NUP62CL: variants seen among roughly 807,000 people sequenced by gnomAD.
NUP62CL encodes the protein nucleoporin-62 C-terminal-like protein.
In NUP62CL, 13 loss-of-function variants were observed where a neutral mutation model predicts 15.3. The observed-to-expected ratio is 0.85, with a 90% CI of 0.55 to 1.35. The LOEUF (loss-of-function observed/expected upper bound fraction) is 1.35. Ranked by LOEUF, NUP62CL falls within the 40% of genes most tolerant of loss-of-function variation. The probability of loss-of-function intolerance (pLI) is 0.00; values close to 1 mark genes in which losing one functional copy is unlikely to be tolerated. For missense variants in NUP62CL, 123 were observed against 130.6 expected, an observed-to-expected ratio of 0.94 and a Z score of 0.28; for synonymous variants, 54 against 49.2, an observed-to-expected ratio of 1.10 and a Z score of -0.41.
rs894372150 is a variant in NUP62CL, at chrX:107,123,446, T to C, written c.*929A>G. The C allele has an allele frequency of 8.9e-6, 1 of 111,836 alleles. No individual in the cohort carries two copies. The highest frequency in any genetic ancestry group is 3.2e-5 in the African/African-American group (1 of 30,777). 9.2% of individuals were successfully genotyped at this position (111,836 alleles called of 1,213,427 possible). A position where few individuals can be genotyped will look rare whatever the true frequency, so the allele number is the denominator to read the frequency against. On this transcript the variant is annotated 3_prime_UTR_variant, in exon 9 of 9. Transcript: ENST00000372466. Reference sequence around the variant, plus strand: ...CTGAGCTCTAGTCACTTAAAAACTTTTAATAGTTAATTTCAGTATTACATG... The same window carrying C: ...CTGAGCTCTAGTCACTTAAAAACTTCTAATAGTTAATTTCAGTATTACATG...
chrX:107,181,796 G>A (rs937389221), intron 2 of NUP62CL, among the ~76,000 whole-genome samples: 1 of 111,910 alleles, frequency 8.9e-6, no homozygotes, highest in Non-Finnish European at 1.9e-5. Context: ...AAATGTTGTG[G>A]TTTGCTTCAT....
At chrX:107,182,321 C>A (rs1293063111) in intron 2 of NUP62CL, among the ~76,000 whole-genome samples, 2 of 111,913 alleles carry the variant, frequency 1.8e-5, no homozygotes, top group African/African-American at 6.5e-5. Flanking sequence ...TCTTGACAAC[C>A]AAAAATGTCT....
chrX:107,172,098 A>G (rs1484936335), intron 3 of NUP62CL, among the ~76,000 whole-genome samples: 1 of 106,154 alleles, frequency 9.4e-6, no homozygotes, highest in Non-Finnish European at 1.9e-5. Context: ...CCAAGGTGGG[A>G]GGATAGCTTG....
At chrX:107,191,974 A>G (rs1927254823) in intron 2 of NUP62CL, among the ~76,000 whole-genome samples, 1 of 111,981 alleles carries the variant, frequency 8.9e-6, no homozygotes, top group Admixed American at 9.5e-5. Context: ...AAGTTATTAG[A>G]TAACTATAAC....
chrX:107,141,707 T>A (rs1925771269), intron 8 of NUP62CL, among the ~76,000 whole-genome samples: 1 of 111,915 alleles, frequency 8.9e-6, no homozygotes. Flanking sequence ...AGGCATCTTT[T>A]GGCATCTCAG....
At chrX:107,173,167 A>G (rs1323034893) in intron 3 of NUP62CL, among the ~76,000 whole-genome samples, 1 of 112,338 alleles carries the variant, frequency 8.9e-6, no homozygotes, top group African/African-American at 3.2e-5. Context: ...ACAGTGAGAA[A>G]TTTATATAGT....
At chrX:107,202,599 T>C (rs923544629) in intron 1 of NUP62CL, 1 of 108,170 alleles carries the variant, frequency 9.2e-6, no homozygotes, top group Non-Finnish European at 1.9e-5. Context: ...TACAGTGGTA[T>C]TTATTAATAC....
intron 2 of NUP62CL, among the ~76,000 whole-genome samples, chrX:107,184,292 AAGAGAAGAAAG>A (rs1256648211): frequency 0.01 from 568 of 54,322 alleles, 20 homozygotes; most frequent in African/African-American, 0.052. Flanking sequence ...AGCACAAAAA[AAGAGAAGAAAG>A]AAAGAAAGAA....
chrX:107,183,058 C>T (rs762932598), intron 2 of NUP62CL, among the ~76,000 whole-genome samples: 4 of 111,091 alleles, frequency 3.6e-5, no homozygotes, highest in African/African-American at 3.3e-5. Context: ...CCAGGCATGG[C>T]GGCATGTGCC....
At chrX:107,132,596 A>G (rs1279081967) in intron 8 of NUP62CL, among the ~76,000 whole-genome samples, 1 of 111,063 alleles carries the variant, frequency 9.0e-6, no homozygotes, top group Non-Finnish European at 1.9e-5. Flanking sequence ...CCGTCTCTAC[A>G]AAAAATTTTT....
At chrX:107,185,482 G>C (rs1927039929) in intron 2 of NUP62CL, among the ~76,000 whole-genome samples, 1 of 110,709 alleles carries the variant, frequency 9.0e-6, no homozygotes, top group Non-Finnish European at 1.9e-5. Context: ...ATACAGGGAG[G>C]AACAATTTTT....
intron 7 of NUP62CL, 69 bp downstream of exon 7, chrX:107,153,103 T>C: frequency 9.7e-7 from 1 of 1,027,526 alleles, no homozygotes; most frequent in Non-Finnish European, 1.3e-6. Flanking sequence ...ACTTTTCCCC[T>C]CTGTTCCTGG....
chrX:107,205,448 T>G (rs1927653262), intron 1 of NUP62CL, among the ~76,000 whole-genome samples: 1 of 111,685 alleles, frequency 9.0e-6, no homozygotes, highest in Non-Finnish European at 1.9e-5. Context: ...ATTTTTTGTT[T>G]ACTGTAGATA....
At chrX:107,153,387 G>GA (rs1194771657) in intron 6 of NUP62CL, 67 bp downstream of exon 6, 11,471 of 877,936 alleles carry the variant, frequency 0.013, no homozygotes, top group Non-Finnish European at 0.014. Context: ...ACTACAGAAG[G>GA]AAAAAAAAAA....
chrX:107,191,796 A>G (rs1271271666), intron 2 of NUP62CL, among the ~76,000 whole-genome samples: 2 of 112,050 alleles, frequency 1.8e-5, no homozygotes, highest in African/African-American at 6.5e-5. Context: ...ACTAAATCAA[A>G]CAACACGCAT....
intron 7 of NUP62CL, chrX:107,150,997 A>T: frequency 2.9e-6 from 1 of 340,924 alleles, no homozygotes; most frequent in Non-Finnish European, 5.9e-6. Context: ...AAAGGGATTA[A>T]CAAAAAGTGT....
At chrX:107,189,225 C>T (rs927939220) in intron 2 of NUP62CL, among the ~76,000 whole-genome samples, 3 of 111,097 alleles carry the variant, frequency 2.7e-5, no homozygotes, top group African/African-American at 9.8e-5. Flanking sequence ...TAAAATGGTA[C>T]AGCTAACATG....
intron 2 of NUP62CL, among the ~76,000 whole-genome samples, chrX:107,185,401 A>T (rs1381208567): frequency 1.8e-5 from 2 of 111,093 alleles, no homozygotes; most frequent in African/African-American, 6.6e-5. Flanking sequence ...ACCCTGTCTG[A>T]TATGGCTCTA....
intron 1 of NUP62CL, chrX:107,202,739 C>G (rs907654179): frequency 9.8e-6 from 1 of 102,282 alleles, no homozygotes; most frequent in African/African-American, 3.6e-5. Flanking sequence ...CTCACACCTG[C>G]AATCCCAGCA....
Sources: allele counts gnomAD v4.1 joint callset (sites outside exome capture counted in the v4.1 genomes callset), GRCh38; gene constraint gnomAD v4.1.1; transcripts MANE v1.5; gene names NCBI Gene and HGNC (gene_info 2026-07-23, HGNC 2026-07-21).